The following TAFA2 variants were observed in gnomAD, a reference collection of about 807,000 sequenced individuals.
TAFA2 encodes chemokine-like protein TAFA-2.
In TAFA2, 7 loss-of-function variants were observed where a neutral mutation model predicts 18.8. That is an observed-to-expected ratio of 0.37 (90% CI 0.21 to 0.70). TAFA2 has a LOEUF of 0.70. Among genes scored for constraint, TAFA2 ranks in the 30% least tolerant of loss-of-function variants. The pLI is 0.53. For missense variants in TAFA2, 122 were observed against 158.1 expected (o/e 0.77, Z 1.23); for synonymous variants, 60 against 54.2 (o/e 1.11, Z -0.47).
intron 1 of TAFA2, among the ~76,000 whole-genome samples, chr12:62,052,782 A>G (rs1393803637): frequency 6.6e-6 from 1 of 152,220 alleles, no homozygotes; most frequent in Non-Finnish European, 1.5e-5. Context: ...TTGTGGAGAT[A>G]TTAGCCACAA....
chr12:62,021,274 C>CT (rs939798390), intron 1 of TAFA2, among the ~76,000 whole-genome samples: 2 of 152,016 alleles, frequency 1.3e-5, no homozygotes, highest in African/African-American at 2.4e-5. Flanking sequence ...GGAAAGGCTT[C>CT]TTTTTTTAAT....
chr12:62,018,153 G>A (rs1881000825), intron 1 of TAFA2, among the ~76,000 whole-genome samples: 1 of 152,136 alleles, frequency 6.6e-6, no homozygotes, highest in Non-Finnish European at 1.5e-5. Context: ...AAATGTTTGA[G>A]AGAATTGATA....
intron 1 of TAFA2, among the ~76,000 whole-genome samples, chr12:61,875,958 C>T (rs1032403639): frequency 7.9e-5 from 12 of 152,030 alleles, no homozygotes; most frequent in Middle Eastern, 3.2e-3. Context: ...AAGGAAAATT[C>T]CAATTATATG....
intron 1 of TAFA2, among the ~76,000 whole-genome samples, chr12:61,937,152 A>C (rs1195884982): frequency 2.0e-5 from 3 of 152,230 alleles, no homozygotes; most frequent in Non-Finnish European, 4.4e-5. Flanking sequence ...GAAAGAAATC[A>C]TATGACACGA....
At chr12:62,181,272 T>C (rs898144758) in intron 1 of TAFA2, among the ~76,000 whole-genome samples, 1 of 152,188 alleles carries the variant, frequency 6.6e-6, no homozygotes, top group African/African-American at 2.4e-5. Context: ...CTCTATCAAT[T>C]TGTAACTATG....
chr12:62,243,711 TCAAA>T (rs924049644), intron 1 of TAFA2, among the ~76,000 whole-genome samples: 21 of 152,240 alleles, frequency 1.4e-4, no homozygotes, highest in African/African-American at 7.2e-5. Flanking sequence ...ACAGTTAACA[TCAAA>T]CAAAGTTAAG....
At chr12:62,066,744 T>C (rs1882499721) in intron 1 of TAFA2, among the ~76,000 whole-genome samples, 1 of 152,074 alleles carries the variant, frequency 6.6e-6, no homozygotes, top group African/African-American at 2.4e-5. Flanking sequence ...TTTCAAATCA[T>C]GGCTATGTTG....
chr12:62,064,726 A>G (rs542300169), intron 1 of TAFA2, among the ~76,000 whole-genome samples: 3 of 152,072 alleles, frequency 2.0e-5, no homozygotes, highest in Admixed American at 6.6e-5. Context: ...GCATTCCCTC[A>G]TAAGTGCTAT....
intron 4 of TAFA2, among the ~76,000 whole-genome samples, chr12:61,718,561 A>C (rs1869760479): frequency 6.6e-6 from 1 of 152,174 alleles, no homozygotes; most frequent in Admixed American, 6.6e-5. Context: ...TCTTGAAGAC[A>C]TTCAAAAAAT....
intron 1 of TAFA2, among the ~76,000 whole-genome samples, chr12:62,159,973 G>A (rs148597212): frequency 1.3e-5 from 2 of 152,270 alleles, no homozygotes; most frequent in African/African-American, 4.8e-5. Flanking sequence ...TCCTGCCCCT[G>A]CTACTCTATG....
chr12:62,159,230 G>T (rs1236988741), intron 1 of TAFA2, among the ~76,000 whole-genome samples: 1 of 152,166 alleles, frequency 6.6e-6, no homozygotes, highest in Non-Finnish European at 1.5e-5. Context: ...TCGCCAAAAG[G>T]TGGGTGCAGG....
At chr12:61,751,834 G>A (rs1021589645) in intron 4 of TAFA2, among the ~76,000 whole-genome samples, 1 of 151,762 alleles carries the variant, frequency 6.6e-6, no homozygotes, top group African/African-American at 2.4e-5. Context: ...TGGTCAACAG[G>A]CCAAAAGGGA....
At chr12:62,228,132 C>A (rs1307508732) in intron 1 of TAFA2, among the ~76,000 whole-genome samples, 1 of 151,964 alleles carries the variant, frequency 6.6e-6, no homozygotes. Context: ...TATCGTTGCC[C>A]AAGTAGTAAA....
At chr12:62,086,021 A>G (rs914683871) in intron 1 of TAFA2, among the ~76,000 whole-genome samples, 7 of 152,110 alleles carry the variant, frequency 4.6e-5, no homozygotes, top group African/African-American at 1.7e-4. Flanking sequence ...TCCTTCTGCC[A>G]TGATTGTAAG....
intron 1 of TAFA2, among the ~76,000 whole-genome samples, chr12:62,075,516 C>A (rs1054922961): frequency 3.3e-5 from 5 of 152,160 alleles, no homozygotes; most frequent in Non-Finnish European, 7.3e-5. Context: ...CTTCTCACAG[C>A]TAGACTGGTC....
intron 1 of TAFA2, among the ~76,000 whole-genome samples, chr12:62,099,069 A>G (rs1869073863): frequency 6.6e-6 from 1 of 152,188 alleles, no homozygotes; most frequent in African/African-American, 2.4e-5. Context: ...TTAATCCAGT[A>G]CATGTCATAA....
intron 2 of TAFA2, among the ~76,000 whole-genome samples, chr12:61,842,498 A>G (rs1053484400): frequency 6.6e-6 from 1 of 152,072 alleles, no homozygotes. Flanking sequence ...AATAAGAAGC[A>G]AAGTTAAGAA....
At chr12:61,713,538 T>C (rs754644476) in intron 4 of TAFA2, among the ~76,000 whole-genome samples, 1 of 152,144 alleles carries the variant, frequency 6.6e-6, no homozygotes, top group Non-Finnish European at 1.5e-5. Context: ...GATGAACATG[T>C]ATAAATATCT....
At chr12:61,916,380 G>A (rs185527654) in intron 1 of TAFA2, among the ~76,000 whole-genome samples, 6 of 152,182 alleles carry the variant, frequency 3.9e-5, no homozygotes, top group South Asian at 4.2e-4. Context: ...ACTCCTCGAC[G>A]GTTGATTGTG....
Sources: allele counts gnomAD v4.1 joint callset (sites outside exome capture counted in the v4.1 genomes callset), GRCh38; gene constraint gnomAD v4.1.1; transcripts MANE v1.5; gene names NCBI Gene and HGNC (gene_info 2026-07-23, HGNC 2026-07-21).